The following ARHGAP42 variants were observed in gnomAD, a reference collection of about 807,000 sequenced individuals.
The protein encoded by ARHGAP42 is rho GTPase-activating protein 42.
A neutral mutation model predicts 125.0 loss-of-function variants in ARHGAP42; 63 were observed. That is an observed-to-expected ratio of 0.50 (90% confidence interval 0.41 to 0.62). The LOEUF is 0.62. ARHGAP42 is among the 20% of genes least tolerant of loss of function. ARHGAP42 has a pLI of 0.00. For synonymous variants in ARHGAP42, 339 were observed against 351.0 expected, an observed-to-expected ratio of 0.97 and a Z score of 0.38; for missense variants, 766 against 1,024.2, an observed-to-expected ratio of 0.75 and a Z score of 3.44.
chr11:100,702,671 CTTT>C (rs200179100), intron 1 of ARHGAP42, among the ~76,000 whole-genome samples: 156 of 133,830 alleles, frequency 1.2e-3, no homozygotes, highest in African/African-American at 3.4e-3. Flanking sequence ...TATTTGTGTT[CTTT>C]TTTTTTTTTT....
Position 100,775,617 on chromosome 11 carries a change from C to T in ARHGAP42, c.250+5179C>T, listed in dbSNP as rs530995594. Among the ~76,000 whole-genome samples the T allele has an allele frequency of 1.5e-3, 235 of 152,240 alleles. 3 individuals are homozygous for T. The highest frequency in any genetic ancestry group is 3.5e-4 in the Non-Finnish European group (24 of 68,012). On this transcript the variant is annotated intron_variant, in intron 2 of 23. Transcript: ENST00000298815. ...ACTGTTTATGGTGGGTTAGTTCAAA[C>T]GGCTGGATGTCCAAAGATACTACTG...
At chr11:100,903,709 A>AAAAAAAAAAAAAATATAT (rs1332890022) in intron 4 of ARHGAP42, among the ~76,000 whole-genome samples, 9 of 63,502 alleles carry the variant, frequency 1.4e-4, no homozygotes, top group Non-Finnish European at 2.4e-4. Context: ...TGTCCCTCAA[A>AAAAAAAAAAAAAATATAT]ATATATATAT....
intron 3 of ARHGAP42, among the ~76,000 whole-genome samples, chr11:100,803,755 A>C (rs1863920615): frequency 6.6e-6 from 1 of 152,204 alleles, no homozygotes; most frequent in South Asian, 2.1e-4. Flanking sequence ...TGACCTTGAC[A>C]AATGATTTCT....
intron 2 of ARHGAP42, among the ~76,000 whole-genome samples, chr11:100,778,230 G>T (rs1863177400): frequency 6.6e-6 from 1 of 151,876 alleles, no homozygotes; most frequent in Non-Finnish European, 1.5e-5. Context: ...TTCTTCTTGG[G>T]CATTTTTAGG....
At chr11:100,978,456 A>G (rs1858445482) in intron 21 of ARHGAP42, among the ~76,000 whole-genome samples, 1 of 152,148 alleles carries the variant, frequency 6.6e-6, no homozygotes, top group African/African-American at 2.4e-5. Flanking sequence ...GCCCTCCATG[A>G]TTTGAAACAA....
chr11:100,959,041 C>T (rs1262739708), intron 12 of ARHGAP42, among the ~76,000 whole-genome samples: 1 of 151,030 alleles, frequency 6.6e-6, no homozygotes, highest in Non-Finnish European at 1.5e-5. Flanking sequence ...GGTTTGAATT[C>T]TCCTCATTTA....
At chr11:100,960,304 G>T (rs6590833) in intron 13 of ARHGAP42, among the ~76,000 whole-genome samples, 88,740 of 150,680 alleles carry the variant, frequency 0.59, 26,862 homozygotes, top group African/African-American at 0.68. Flanking sequence ...CTTCCTTATA[G>T]TCTTTCTTTT....
At chr11:100,839,785 T>C (rs537492632) in intron 3 of ARHGAP42, 81 of 152,248 alleles carry the variant, frequency 5.3e-4, no homozygotes, top group African/African-American at 1.8e-3. Context: ...AGGACGACCA[T>C]CCCCGATAAA....
At chr11:100,931,716 C>CA (rs1452818128) in intron 6 of ARHGAP42, among the ~76,000 whole-genome samples, 1 of 152,054 alleles carries the variant, frequency 6.6e-6, no homozygotes, top group Non-Finnish European at 1.5e-5. Flanking sequence ...TTATATATTT[C>CA]AAAAATGTTT....
intron 5 of ARHGAP42, among the ~76,000 whole-genome samples, chr11:100,917,304 A>G (rs1867098128): frequency 6.6e-6 from 1 of 152,056 alleles, no homozygotes; most frequent in South Asian, 2.1e-4. Context: ...CATAGTTCTT[A>G]ATATCTCTAT....
At chr11:100,915,577 A>G (rs1867039651) in intron 5 of ARHGAP42, among the ~76,000 whole-genome samples, 2 of 152,202 alleles carry the variant, frequency 1.3e-5, no homozygotes, top group South Asian at 4.1e-4. Flanking sequence ...TCTAGAGAAT[A>G]TACCTCAATT....
At chr11:100,698,934 T>A (rs1591113416) in intron 1 of ARHGAP42, among the ~76,000 whole-genome samples, 1 of 152,196 alleles carries the variant, frequency 6.6e-6, no homozygotes, top group East Asian at 1.9e-4. Context: ...GCTAAGGCTA[T>A]TACTTTTTTC....
chr11:100,857,820 A>T (rs984225058), intron 3 of ARHGAP42, among the ~76,000 whole-genome samples: 1 of 152,032 alleles, frequency 6.6e-6, no homozygotes, highest in Non-Finnish European at 1.5e-5. Flanking sequence ...ATCTGTCAAT[A>T]CTACAGAAAC....
At chr11:100,960,652 G>A (rs1342712614) in intron 13 of ARHGAP42, among the ~76,000 whole-genome samples, 1 of 152,002 alleles carries the variant, frequency 6.6e-6, no homozygotes, top group Non-Finnish European at 1.5e-5. Context: ...CATCTCCATT[G>A]CTTTTTTATA....
intron 1 of ARHGAP42, among the ~76,000 whole-genome samples, chr11:100,710,022 G>T (rs1245832768): frequency 6.6e-6 from 1 of 152,134 alleles, no homozygotes; most frequent in Non-Finnish European, 1.5e-5. Flanking sequence ...GGTCGGGGGG[G>T]CATCTGCTGA....
chr11:100,808,119 G>C (rs181956954), intron 3 of ARHGAP42, among the ~76,000 whole-genome samples: 120 of 152,232 alleles, frequency 7.9e-4, no homozygotes, highest in African/African-American at 2.9e-3. Flanking sequence ...ACCTATAAAA[G>C]ATATCCTGAA....
At chr11:100,830,534 G>A (rs76827374) in intron 3 of ARHGAP42, among the ~76,000 whole-genome samples, 3,012 of 152,208 alleles carry the variant, frequency 0.02, 96 homozygotes, top group African/African-American at 0.069. Context: ...GGCTTGCTGC[G>A]GACCTACTGA....
chr11:100,738,596 G>A (rs1862115710), intron 1 of ARHGAP42: 1 of 152,170 alleles, frequency 6.6e-6, no homozygotes, highest in Non-Finnish European at 1.5e-5. Context: ...TGAATAATGA[G>A]AGGTATCATG....
intron 5 of ARHGAP42, among the ~76,000 whole-genome samples, chr11:100,914,840 A>G (rs1012524470): frequency 6.6e-6 from 1 of 152,104 alleles, no homozygotes; most frequent in African/African-American, 2.4e-5. Flanking sequence ...TCTGAGTTCA[A>G]CCAGAAGGCA....
Sources: gnomAD v4.1 joint callset for allele counts (sites outside exome capture counted in the v4.1 genomes callset) on GRCh38, gnomAD v4.1.1 for gene constraint, MANE v1.5 for transcripts, NCBI Gene and HGNC (gene_info 2026-07-23, HGNC 2026-07-21) for gene names.